Variants in PLXNA2 observed in about 807,000 individuals in gnomAD.
PLXNA2 encodes plexin-A2.
Under a neutral mutation model 193.5 loss-of-function variants are expected in PLXNA2, and 91 were observed. The ratio of observed to expected loss-of-function variants is 0.47; its 90% confidence interval spans 0.40 to 0.56. The LOEUF is 0.56. PLXNA2 is among the 20% of genes least tolerant of loss of function. PLXNA2 has a pLI of 0.00. For synonymous variants in PLXNA2, 997 were observed against 1,027.3 expected (o/e 0.97, Z 0.56); for missense variants, 1,995 against 2,503.2 (o/e 0.80, Z 4.33).
At chr1:208,107,159 TG>T in intron 4 of PLXNA2, among the ~76,000 whole-genome samples, 1 of 152,316 alleles carries the variant, frequency 6.6e-6, no homozygotes, top group East Asian at 1.9e-4. Context: ...CCAGCACCAT[TG>T]GTGTCACGTG....
chr1:208,143,350 C>A (rs1668509897), intron 3 of PLXNA2, among the ~76,000 whole-genome samples: 1 of 152,164 alleles, frequency 6.6e-6, no homozygotes, highest in South Asian at 2.1e-4. Flanking sequence ...CGAGGCCCAC[C>A]TCCAGAATTT....
intron 7 of PLXNA2, 138 bp downstream of exon 7, chr1:208,096,592 C>T: frequency 9.9e-7 from 1 of 1,008,274 alleles, no homozygotes; most frequent in Non-Finnish European, 1.4e-6. Context: ...TGACAGTTTG[C>T]TTTCAAACGT....
rs116149458 is a variant in PLXNA2, at chr1:208,238,751, G to A, written c.-81+4892C>T. The stretch of plus-strand genomic sequence containing the variant: ...CTCTTTTAAAAAAAAGTCTCCTCAG[G>A]AGCAGTTTTGCTACTACCTGAGAGT... On this transcript the variant is annotated intron_variant, in intron 1 of 31. Transcript: ENST00000367033. Among the ~76,000 whole-genome samples, 537 of 152,308 alleles carry A rather than the reference G, an allele frequency of 3.5e-3. 4 individuals are homozygous for A. Among genetic ancestry groups the A allele is most frequent in the Non-Finnish European group, 6.1e-3 (412 of 68,036 alleles).
intron 26 of PLXNA2, among the ~76,000 whole-genome samples, chr1:208,036,295 TA>T (rs2102308589): frequency 6.6e-6 from 1 of 152,368 alleles, no homozygotes; most frequent in East Asian, 1.9e-4. Context: ...TCTTGTCACC[TA>T]ATGAAAGATT....
chr1:208,231,979 C>A (rs1055081796), intron 1 of PLXNA2, among the ~76,000 whole-genome samples: 56 of 152,228 alleles, frequency 3.7e-4, no homozygotes, highest in Non-Finnish European at 1.2e-4. Context: ...CTACTCTTTG[C>A]AAATGGATAT....
chr1:208,062,140 G>A (rs1055846002), intron 12 of PLXNA2, among the ~76,000 whole-genome samples: 3 of 152,178 alleles, frequency 2.0e-5, no homozygotes, highest in Admixed American at 6.5e-5. Flanking sequence ...TACCTGGGCA[G>A]AGCCACAGCC....
intron 1 of PLXNA2, among the ~76,000 whole-genome samples, chr1:208,238,816 A>G (rs1435086145): frequency 6.6e-6 from 1 of 152,236 alleles, no homozygotes; most frequent in Admixed American, 6.5e-5. Flanking sequence ...GATGGGAAGC[A>G]TGTGAAGGCC....
At chr1:208,104,322 T>C (rs1214945784) in intron 4 of PLXNA2, among the ~76,000 whole-genome samples, 2 of 152,192 alleles carry the variant, frequency 1.3e-5, no homozygotes, top group Non-Finnish European at 2.9e-5. Context: ...ACTCAGCAAA[T>C]GTTTATCAGA....
At chr1:208,032,127 T>TGGAGGACTGGGTGCCTCCTGGCA in intron 28 of PLXNA2, 3 of 985,364 alleles carry the variant, frequency 3.0e-6, no homozygotes, top group Non-Finnish European at 3.6e-6. Flanking sequence ...AGGAACAAGC[T>TGGAGGACTGGGTGCCTCCTGGCA]GGAGGACTGG....
At chr1:208,032,358 C>G (rs1355363554) in intron 28 of PLXNA2, among the ~76,000 whole-genome samples, 1 of 152,200 alleles carries the variant, frequency 6.6e-6, no homozygotes, top group Non-Finnish European at 1.5e-5. Context: ...CCACAGTTTA[C>G]AGGCTCATGG....
At chr1:208,214,665 G>A (rs1479787353) in intron 2 of PLXNA2, among the ~76,000 whole-genome samples, 2 of 152,156 alleles carry the variant, frequency 1.3e-5, no homozygotes, top group Admixed American at 1.3e-4. Context: ...TCAGCACTGT[G>A]TACAAGAAAC....
intron 1 of PLXNA2, among the ~76,000 whole-genome samples, chr1:208,221,118 C>G (rs931342661): frequency 3.9e-5 from 6 of 152,230 alleles, no homozygotes; most frequent in Admixed American, 3.9e-4. Flanking sequence ...ACTCAGGAAC[C>G]CTGGGTTCAC....
chr1:208,092,738 A>G (rs1458125387), intron 9 of PLXNA2, 48 bp downstream of exon 9: 4 of 1,337,796 alleles, frequency 3.0e-6, no homozygotes, highest in African/African-American at 1.4e-5. Flanking sequence ...GGGAGGGGCC[A>G]CTCAGACTCA....
chr1:208,187,648 T>C (rs899166803), intron 3 of PLXNA2, among the ~76,000 whole-genome samples: 2 of 152,246 alleles, frequency 1.3e-5, no homozygotes, highest in Non-Finnish European at 2.9e-5. Context: ...CAAGGTACTC[T>C]GTCCTATCTG....
chr1:208,131,834 C>T (rs1479743538), intron 4 of PLXNA2, among the ~76,000 whole-genome samples: 1 of 152,152 alleles, frequency 6.6e-6, no homozygotes, highest in Non-Finnish European at 1.5e-5. Flanking sequence ...TCTGCATGGG[C>T]TCTCCTGGTG....
intron 29 of PLXNA2, chr1:208,029,824 C>T (rs1664446740): frequency 1.0e-6 from 1 of 985,420 alleles, no homozygotes; most frequent in South Asian, 4.7e-5. Flanking sequence ...CATTTACTCT[C>T]CTTCAAAATC....
intron 17 of PLXNA2, among the ~76,000 whole-genome samples, chr1:208,048,160 G>A (rs1462985247): frequency 6.6e-6 from 1 of 152,168 alleles, no homozygotes; most frequent in Non-Finnish European, 1.5e-5. Flanking sequence ...CAAGCAAGAG[G>A]CCTCTGGACG....
intron 1 of PLXNA2, among the ~76,000 whole-genome samples, chr1:208,232,781 G>A (rs1408378815): frequency 2.0e-5 from 3 of 152,204 alleles, no homozygotes; most frequent in South Asian, 2.1e-4. Flanking sequence ...AGCCTTCCTC[G>A]CACCCTGCTC....
At chr1:208,039,401 C>T (rs1284225819) in intron 24 of PLXNA2, among the ~76,000 whole-genome samples, 1 of 151,946 alleles carries the variant, frequency 6.6e-6, no homozygotes, top group Non-Finnish European at 1.5e-5. Flanking sequence ...CTTTTTTCTC[C>T]CCCAATATTA....
Sources: allele counts gnomAD v4.1 joint callset (sites outside exome capture counted in the v4.1 genomes callset), GRCh38; gene constraint gnomAD v4.1.1; transcripts MANE v1.5; gene names NCBI Gene and HGNC (gene_info 2026-07-23, HGNC 2026-07-21).